The following ZER1 variants were observed in gnomAD, a reference collection of about 807,000 sequenced individuals.
ZER1 encodes zyg-11 related cell cycle regulator.
In ZER1, 11 loss-of-function variants were observed where a neutral mutation model predicts 78.8. The observed-to-expected ratio is 0.14, with a 90% CI of 0.09 to 0.23. ZER1 has a LOEUF of 0.23. Ranked by LOEUF, ZER1 falls within the 10% of genes least tolerant of loss-of-function variation. ZER1 has a pLI of 1.00. For synonymous variants in ZER1, 400 were observed against 407.0 expected (o/e 0.98, Z 0.21); for missense variants, 588 against 996.9 (o/e 0.59, Z 5.52).
chr9:128,750,536 G>C, intron 8 of ZER1, 80 bp downstream of exon 8: 2 of 1,526,998 alleles, frequency 1.3e-6, no homozygotes, highest in Non-Finnish European at 1.8e-6. Flanking sequence ...CCAGAGCCGG[G>C]GGAGCCCTAG....
chr9:128,750,569 G>C (rs960020737), intron 8 of ZER1, 47 bp downstream of exon 8: 5 of 1,598,700 alleles, frequency 3.1e-6, no homozygotes, highest in African/African-American at 2.7e-5. Flanking sequence ...AGCAGGAAAG[G>C]GGTGGCTGGG....
chr9:128,741,678 G>GCC, intron 10 of ZER1, 24 bp from the exon 11 acceptor site: 1 of 1,614,060 alleles, frequency 6.2e-7, no homozygotes, highest in East Asian at 2.2e-5. Context: ...GCAGGGCTCA[G>GCC]CCAAGGCTCC....
intron 7 of ZER1, 23 bp from the exon 8 acceptor site, chr9:128,750,812 T>G (rs1863651357): frequency 1.2e-6 from 2 of 1,613,498 alleles, no homozygotes; most frequent in Admixed American, 1.7e-5. Context: ...AAGGGGGACC[T>G]GGGCTGGCAA....
intron 5 of ZER1, among the ~76,000 whole-genome samples, chr9:128,752,387 C>T (rs553035422): frequency 4.6e-5 from 7 of 151,794 alleles, no homozygotes; most frequent in East Asian, 3.9e-4. Context: ...TGCAGTGGCG[C>T]GATCTCAGCT....
chr9:128,741,863 T>C, intron 9 of ZER1, 22 bp from the exon 10 acceptor site: 1 of 1,614,194 alleles, frequency 6.2e-7, no homozygotes, highest in East Asian at 2.2e-5. Flanking sequence ...GACAAGAGTC[T>C]GCTAGAGTGC....
chr9:128,753,418 C>A lies in ZER1; in HGVS notation c.492G>T (p.Val164=), dbSNP rs768097928. The part of the protein sequence containing the change: ...DEYLVNPTCQ[V]LVKDFTFEGF... Reference sequence around the variant, plus strand: ...CCTCGAAGGTGAAATCCTTAACCAGCACCTGGCAGGTGGGGTTGACGAGGT... The same window carrying A: ...CCTCGAAGGTGAAATCCTTAACCAGAACCTGGCAGGTGGGGTTGACGAGGT... Residue 164 remains valine, a synonymous_variant, in exon 4 of 16, where the codon GTG becomes GTT. Transcript: ENST00000291900. This position sits in a 1 kb window ranked among gnomAD's most constrained non-coding sequence, Gnocchi z 7.5. The A allele has an allele frequency of 6.2e-7, 1 of 1,614,162 alleles. No individual in the cohort carries two copies. Among genetic ancestry groups the A allele is most frequent in the East Asian group, 2.2e-5 (1 of 44,884 alleles).
chr9:128,735,759 TGG>T (rs1491533293), intron 13 of ZER1, among the ~76,000 whole-genome samples: 23 of 1,358 alleles, frequency 0.017, 2 homozygotes, highest in Admixed American at 0.049. Context: ...ACGTGTGACC[TGG>T]TTTTTTTTTT....
At chr9:128,744,416 T>C (rs1863416212) in intron 8 of ZER1, among the ~76,000 whole-genome samples, 2 of 146,874 alleles carry the variant, frequency 1.4e-5, no homozygotes, top group Admixed American at 1.4e-4. Context: ...ATGGTCTTGA[T>C]CTCATGATCC....
In ZER1 at chr9:128,751,534, A is replaced by G; in HGVS notation, c.924-7T>C. The G allele has an allele frequency of 6.2e-7, 1 of 1,611,444 alleles. No homozygotes were observed. The highest frequency in any genetic ancestry group is 8.5e-7 in the Non-Finnish European group (1 of 1,179,740). ...GCTCTTGGAAGGCTCAATGCTGGGG[A>G]AAGAGGGTGCCGGTGTCAGTGGCTT... On this transcript the variant is annotated splice_region_variant and splice_polypyrimidine_tract_variant and intron_variant, in intron 5 of 15. Transcript: ENST00000291900. The surrounding 1 kb of genome is among the most constrained non-coding windows in gnomAD (Gnocchi z 5.4).
chr9:128,769,963 C>T lies in ZER1; in HGVS notation c.-95+1618G>A, dbSNP rs1055196566. 2.6e-5 allele frequency among the ~76,000 whole-genome samples: 4 copies of T among 152,134 alleles called. No homozygotes were observed. The East Asian group carries it at 7.7e-4, about 29-fold the overall frequency. ...CAACCACCAGACACTTCAACAAGTA[C>T]GGTTCTGAAAGGGTGTCCCATTAGA... On this transcript the variant is annotated intron_variant, in intron 1 of 15. Coordinates refer to ENST00000291900, the MANE Select transcript of ZER1 (RefSeq NM_006336.4).
At position 128,751,143 on chromosome 9, in the gene ZER1, G is replaced by T; in HGVS notation, c.1164C>A (p.Asn388Lys). The change falls in exon 7 of 16, where the codon AAC becomes AAA. Residue 388 changes from asparagine to lysine, a missense_variant. Coordinates refer to ENST00000291900, the MANE Select transcript of ZER1 (RefSeq NM_006336.4). This position sits in a 1 kb window ranked among gnomAD's most constrained non-coding sequence, Gnocchi z 5.4. ...TGACCTTCAGGGCCCGCAGCAGCTG[G>T]TTGCAACGCTCGATGCGGGCGATGT... ...LFDIARIERC[N>K]QLLRALKLVI... The T allele has an allele frequency of 6.3e-7, 1 of 1,599,488 alleles. No homozygotes were observed. The highest frequency in any genetic ancestry group is 8.5e-7 in the Non-Finnish European group (1 of 1,170,018).
chr9:128,754,013 G>A lies in ZER1; in HGVS notation c.159-54C>T, dbSNP rs1863778448. On this transcript the variant is annotated intron_variant, in intron 2 of 15. Coordinates refer to ENST00000291900, the MANE Select transcript of ZER1 (RefSeq NM_006336.4). This position sits in a 1 kb window ranked among gnomAD's most constrained non-coding sequence, Gnocchi z 4.3. ...GAGGGCCACAGGGACTCTCATCCTCGCTTCAAAGCCAAGCCCTCCTCCCCC... is the reference window on the plus strand; with the variant it reads ...GAGGGCCACAGGGACTCTCATCCTCACTTCAAAGCCAAGCCCTCCTCCCCC... The A allele has an allele frequency of 9.7e-6, 15 of 1,540,726 alleles. No homozygotes were observed. Among genetic ancestry groups the A allele is most frequent in the Non-Finnish European group, 1.3e-5 (15 of 1,140,082 alleles).
rs1863716202 is a variant in ZER1, at chr9:128,752,607, C to G, written c.923+66G>C. ...AAGTGCTGGGATTACAGGCGTGAGC[C>G]ACTGCGCCAGCCTAAATGCCTGTTG... On this transcript the variant is annotated intron_variant, in intron 5 of 15. Coordinates refer to ENST00000291900, the MANE Select transcript of ZER1 (RefSeq NM_006336.4). The G allele has an allele frequency of 4.0e-6, 6 of 1,502,904 alleles. No homozygotes were observed. In the South Asian group the frequency reaches 7.9e-5, roughly 20 times the overall value. 93.1% of individuals were successfully genotyped at this position (1,502,904 alleles called of 1,614,324 possible).
chr9:128,734,162 TAAA>T (rs1554784868), intron 14 of ZER1, among the ~76,000 whole-genome samples: 3 of 63,450 alleles, frequency 4.7e-5, no homozygotes, highest in Admixed American at 2.6e-4. Flanking sequence ...TATATATATA[TAAA>T]ATCTTAAAAA....
At position 128,732,734 on chromosome 9, in the gene ZER1, C is replaced by A. The variant is rs563020374; in HGVS notation, c.2243+692G>T. 3 of 152,364 alleles carry A rather than the reference C, an allele frequency of 2.0e-5. No homozygotes were observed. Among genetic ancestry groups the A allele is most frequent in the South Asian group, 4.1e-4 (2 of 4,828 alleles). The allele number at this position is 152,364 out of a possible 1,614,324, so 9.4% of individuals were successfully genotyped here. A position where few individuals can be genotyped will look rare whatever the true frequency, so the allele number is the denominator to read the frequency against. ...TTCCCTCCCCTGGCCCAGGAAGTGG[C>A]TGGCTGAGGAGCCTCTGAGTTTCAG... is the stretch of plus-strand genomic sequence containing the variant. On this transcript the variant is annotated intron_variant, in intron 15 of 15. Transcript: ENST00000291900. The surrounding 1 kb of genome is among the most constrained non-coding windows in gnomAD (Gnocchi z 4.8).
intron 1 of ZER1, among the ~76,000 whole-genome samples, chr9:128,768,995 G>T (rs1213460914): frequency 6.6e-6 from 1 of 151,728 alleles, no homozygotes; most frequent in Non-Finnish European, 1.5e-5. Flanking sequence ...CTCCAGACTG[G>T]TCTCAAACTC....
chr9:128,752,925 A>AGTCT (rs1395860660), intron 4 of ZER1, 76 bp from the exon 5 acceptor site: 9 of 1,517,268 alleles, frequency 5.9e-6, no homozygotes, highest in Non-Finnish European at 8.0e-6. Context: ...CAGCTCCTTT[A>AGTCT]GTCTGTAGCA....
In ZER1 at chr9:128,732,073, C is replaced by T. The variant is rs901133744; in HGVS notation, c.2244-679G>A. ...TGTGTGTTAAAGGGATGCCCCAATA[C>T]CTTTTAGGAAACAAATACCCAGAGT... On this transcript the variant is annotated intron_variant, in intron 15 of 15. Coordinates refer to ENST00000291900, the MANE Select transcript of ZER1 (RefSeq NM_006336.4). The surrounding 1 kb of genome is among the most constrained non-coding windows in gnomAD (Gnocchi z 4.8). Among the ~76,000 whole-genome samples the T allele has an allele frequency of 6.6e-6, 1 of 152,220 alleles. No individual in the cohort carries two copies. The highest frequency in any genetic ancestry group is 2.4e-5 in the African/African-American group (1 of 41,448).
intron 14 of ZER1, among the ~76,000 whole-genome samples, chr9:128,734,850 T>G (rs1233171386): frequency 3.9e-5 from 6 of 151,904 alleles, no homozygotes; most frequent in African/African-American, 1.5e-4. Flanking sequence ...GTATGTGTTT[T>G]TTTTTTTTTT....
Sources: gnomAD v4.1 joint callset for allele counts (sites outside exome capture counted in the v4.1 genomes callset) on GRCh38, gnomAD v4.1.1 for gene constraint, Gnocchi (gnomAD v3.1) non-coding constraint, MANE v1.5 for transcripts, NCBI Gene and HGNC (gene_info 2026-07-23, HGNC 2026-07-21) for gene names.